The following KAT2B variants were observed in gnomAD, a reference collection of about 807,000 sequenced individuals.
The protein encoded by KAT2B is lysine acetyltransferase 2B.
Under a neutral mutation model 105.9 loss-of-function variants are expected in KAT2B, and 36 were observed. The observed-to-expected ratio is 0.34, with a 90% CI of 0.26 to 0.45. The LOEUF is 0.45. Ranked by LOEUF, KAT2B falls within the 20% of genes least tolerant of loss-of-function variation. The pLI, the probability that KAT2B is intolerant of heterozygous loss-of-function variation, is 1.00. For synonymous variants in KAT2B, 397 were observed against 377.9 expected, an observed-to-expected ratio of 1.05 and a Z score of -0.59; for missense variants, 820 against 1,021.6, an observed-to-expected ratio of 0.80 and a Z score of 2.69.
At chr3:20,126,979 C>T (rs765665727) in intron 10 of KAT2B, among the ~76,000 whole-genome samples, 15 of 152,118 alleles carry the variant, frequency 9.9e-5, no homozygotes, top group East Asian at 3.9e-4. Flanking sequence ...TTCCATAATG[C>T]GGAATTTTGC....
At chr3:20,089,106 G>A (rs1293038595) in intron 2 of KAT2B, among the ~76,000 whole-genome samples, 2 of 152,082 alleles carry the variant, frequency 1.3e-5, no homozygotes, top group Non-Finnish European at 2.9e-5. Context: ...TATGTTGGTA[G>A]CATTTTGTTT....
Position 20,072,470 on chromosome 3 carries a change from A to G in KAT2B, c.430+11A>G, listed in dbSNP as rs143856943. On this transcript the variant is annotated intron_variant, in intron 2 of 17. Coordinates refer to ENST00000263754, the MANE Select transcript of KAT2B (RefSeq NM_003884.5). ...GTAGCCATGCCCTAGGTGAGTTCCT[A>G]AATCTTCAAGGAAAGTATAACGAGT... The G allele has an allele frequency of 1.6e-3, 2,636 of 1,612,492 alleles. 57 individuals are homozygous for G. The highest frequency in any genetic ancestry group is 1.1e-4 in the Non-Finnish European group (125 of 1,178,626).
Position 20,101,286 on chromosome 3 carries a change from G to A in KAT2B, c.670-1G>A. ...AAGAAATTGCCTTCCCTCTTTTTAA[G>A]GGTGTGAATAACTTTGTGCAGTACA... On this transcript the variant is annotated splice_acceptor_variant, in intron 4 of 17. Transcript: ENST00000263754. LOFTEE classifies it high-confidence loss of function. 6.2e-7 allele frequency: 1 copy of A among 1,613,314 alleles called. No individual in the cohort carries two copies. The highest frequency in any genetic ancestry group is 8.5e-7 in the Non-Finnish European group (1 of 1,179,480).
At chr3:20,151,301 A>C (rs1263476839) in intron 17 of KAT2B, among the ~76,000 whole-genome samples, 1 of 152,184 alleles carries the variant, frequency 6.6e-6, no homozygotes, top group East Asian at 1.9e-4. Context: ...ATGCAAATGA[A>C]TTCCTTCCCA....
intron 1 of KAT2B, among the ~76,000 whole-genome samples, chr3:20,055,639 G>C (rs924612711): frequency 1.3e-5 from 2 of 152,074 alleles, no homozygotes; most frequent in African/African-American, 4.8e-5. Context: ...TGGGTGGGGT[G>C]GGGGGTATGA....
chr3:20,144,530 C>T (rs1296039012), intron 13 of KAT2B, among the ~76,000 whole-genome samples: 7 of 151,430 alleles, frequency 4.6e-5, no homozygotes, highest in African/African-American at 1.7e-4. Flanking sequence ...ACCTCGTGAT[C>T]TGCCCACCTC....
intron 12 of KAT2B, among the ~76,000 whole-genome samples, chr3:20,139,595 ATTATGT>A (rs2125191197): frequency 6.6e-6 from 1 of 152,026 alleles, no homozygotes; most frequent in South Asian, 2.1e-4. Flanking sequence ...CTTAAGGCAA[ATTATGT>A]TTATATTATA....
intron 5 of KAT2B, among the ~76,000 whole-genome samples, chr3:20,110,672 C>CA (rs55653348): frequency 0.29 from 19,784 of 69,026 alleles, 2,110 homozygotes; most frequent in Non-Finnish European, 0.35. Context: ...GACCCTGTCT[C>CA]AAAAAAAAAA....
At chr3:20,091,754 G>A (rs563299323) in intron 2 of KAT2B, among the ~76,000 whole-genome samples, 2 of 152,000 alleles carry the variant, frequency 1.3e-5, no homozygotes, top group South Asian at 4.2e-4. Context: ...TGACCCATTG[G>A]TTGTTCAGGA....
At chr3:20,147,594 G>A (rs1269077772) in intron 14 of KAT2B, among the ~76,000 whole-genome samples, 4 of 152,138 alleles carry the variant, frequency 2.6e-5, no homozygotes, top group Non-Finnish European at 4.4e-5. Flanking sequence ...CAGAGACCAG[G>A]ACAGAGTTTG....
chr3:20,105,961 G>A (rs904525341), intron 5 of KAT2B, among the ~76,000 whole-genome samples: 2 of 152,260 alleles, frequency 1.3e-5, no homozygotes, highest in Middle Eastern at 3.4e-3. Flanking sequence ...TGTAAGTCTA[G>A]AACAGATTTA....
intron 2 of KAT2B, among the ~76,000 whole-genome samples, chr3:20,088,466 T>C (rs918930593): frequency 4.6e-5 from 7 of 152,212 alleles, no homozygotes; most frequent in Admixed American, 6.5e-5. Context: ...AAGTGATATC[T>C]CATTGTGATT....
At chr3:20,063,501 G>A (rs1443854601) in intron 1 of KAT2B, among the ~76,000 whole-genome samples, 8 of 144,138 alleles carry the variant, frequency 5.6e-5, no homozygotes, top group African/African-American at 1.5e-4. Flanking sequence ...GCAGTGGTGC[G>A]ATCTCACCTC....
At chr3:20,062,259 G>A (rs1048885357) in intron 1 of KAT2B, among the ~76,000 whole-genome samples, 905 of 74,374 alleles carry the variant, frequency 0.012, 16 homozygotes, top group South Asian at 0.02. Context: ...TATAAAATAT[G>A]ATATATAATA....
chr3:20,115,117 A>C (rs1699183127), intron 7 of KAT2B, 129 bp downstream of exon 7: 1 of 620,048 alleles, frequency 1.6e-6, no homozygotes, highest in Admixed American at 3.0e-5. Flanking sequence ...AATGCTGGCT[A>C]TTTTCAAACC....
intron 1 of KAT2B, among the ~76,000 whole-genome samples, chr3:20,059,398 C>CTGAGCG (rs1388499440): frequency 9.2e-6 from 1 of 108,962 alleles, no homozygotes; most frequent in African/African-American, 3.7e-5. Flanking sequence ...GCCTGGGCGA[C>CTGAGCG]AGAGACTCTG....
intron 1 of KAT2B, among the ~76,000 whole-genome samples, chr3:20,058,581 A>G (rs1276532606): frequency 6.6e-6 from 1 of 151,952 alleles, no homozygotes; most frequent in Non-Finnish European, 1.5e-5. Flanking sequence ...TCCTGAGGGA[A>G]CCCTGATCCC....
rs146518387 is a variant in KAT2B at position 20,122,003 on chromosome 3, C to T, written c.1277-665C>T. Among the ~76,000 whole-genome samples, 6 of 151,982 alleles carry T rather than the reference C, an allele frequency of 3.9e-5. No individual in the cohort carries two copies. The East Asian group carries it at 1.2e-3, about 29-fold the overall frequency. ...CCAAAGCCTAATGCAAACTGATTTC[C>T]GTACATATATGGTGGGGTGCCGGTG... On this transcript the variant is annotated intron_variant, in intron 8 of 17. Coordinates refer to ENST00000263754, the MANE Select transcript of KAT2B (RefSeq NM_003884.5).
Position 20,126,141 on chromosome 3 carries a change from C to G in KAT2B, c.1622+28C>G, listed in dbSNP as rs754389731. 3.3e-6 allele frequency: 5 copies of G among 1,536,440 alleles called. No homozygotes were observed. The South Asian group carries it at 5.9e-5, about 18-fold the overall frequency. On this transcript the variant is annotated intron_variant, in intron 10 of 17. Coordinates refer to ENST00000263754, the MANE Select transcript of KAT2B (RefSeq NM_003884.5). ...AAGTGGTACTTTCTGTTCCTTCTTC[C>G]TTATTTCCTTTTTAAATGAAAGAGG...
Sources: allele counts gnomAD v4.1 joint callset (sites outside exome capture counted in the v4.1 genomes callset), GRCh38; gene constraint gnomAD v4.1.1; transcripts MANE v1.5; gene names NCBI Gene and HGNC (gene_info 2026-07-23, HGNC 2026-07-21).